The following DNAH5 variants were observed in gnomAD, a reference collection of about 807,000 sequenced individuals.
DNAH5 encodes the protein axonemal beta dynein heavy chain 5.
In DNAH5, 372 loss-of-function variants were observed where a neutral mutation model predicts 518.2. The ratio of observed to expected loss-of-function variants is 0.72; its 90% CI spans 0.66 to 0.78. The LOEUF is 0.78. Among genes scored for constraint, DNAH5 ranks in the 30% least tolerant of loss-of-function variants. The probability of loss-of-function intolerance (pLI) is 0.00; values close to 1 mark genes in which losing one functional copy is unlikely to be tolerated. For missense variants in DNAH5, 5,523 were observed against 5,687.0 expected, an observed-to-expected ratio of 0.97 and a Z score of 0.93; for synonymous variants, 2,039 against 2,025.9, an observed-to-expected ratio of 1.01 and a Z score of -0.17.
rs764927458 is a variant in DNAH5, at chr5:13,841,123, A to G, written c.5492T>C (p.Leu1831Ser). The G allele has an allele frequency of 9.9e-6, 16 of 1,613,222 alleles. No homozygotes were observed. In the South Asian group the frequency reaches 1.6e-4, roughly 17 times the overall value. ...TGTCCATATCATCTGAATTCCTAAT[A>G]ATCCAACCTTATGGAAATAAAAAAG... ...FLSSFPAQVG[L>S]LGIQMIWTRD... is the part of the protein sequence containing the mutation. Residue 1831 changes from leucine (L) to serine (S), a missense_variant, in exon 34 of 79, where the codon TTA becomes TCA. Physicochemically the swap from Leu to Ser is moderately radical, Grantham distance 145 (BLOSUM62 -2). This residue lies in a region of DNAH5 where 5,121 missense variants were observed against 5,223.3 expected (regional missense o/e 0.98). Coordinates refer to ENST00000265104, the MANE Select transcript of DNAH5 (RefSeq NM_001369.3).
chr5:13,970,543 T>C (rs1322578295), intron 1 of DNAH5, among the ~76,000 whole-genome samples: 1 of 152,230 alleles, frequency 6.6e-6, no homozygotes, highest in Non-Finnish European at 1.5e-5. Context: ...TTTTCATTTA[T>C]GAAACTTAGT....
At chr5:13,725,355 A>G (rs1043000955) in intron 70 of DNAH5, among the ~76,000 whole-genome samples, 3 of 152,232 alleles carry the variant, frequency 2.0e-5, no homozygotes, top group Admixed American at 1.3e-4. Context: ...TCTATGCAGA[A>G]GAAACATATG....
intron 58 of DNAH5, among the ~76,000 whole-genome samples, chr5:13,766,917 A>G (rs181975455): frequency 2.4e-4 from 36 of 152,316 alleles, no homozygotes; most frequent in Non-Finnish European, 4.3e-4. Flanking sequence ...TAAGACAAAT[A>G]GTATATATTC....
intron 3 of DNAH5, among the ~76,000 whole-genome samples, chr5:13,926,016 G>A (rs558129296): frequency 6.6e-6 from 1 of 152,146 alleles, no homozygotes; most frequent in Admixed American, 6.5e-5. Flanking sequence ...CAAAATGACT[G>A]GGATATGACA....
Position 13,890,860 on chromosome 5 carries a change from A to G in DNAH5, c.2577+116T>C, listed in dbSNP as rs1055033243. 1.4e-4 allele frequency: 154 copies of G among 1,135,440 alleles called. 1 individual carries two copies. Among genetic ancestry groups the G allele is most frequent in the Non-Finnish European group, 1.7e-5 (13 of 771,200 alleles). 70.3% of individuals were successfully genotyped at this position (1,135,440 alleles called of 1,614,324 possible). On this transcript the variant is annotated intron_variant, in intron 17 of 78. Coordinates refer to ENST00000265104, the MANE Select transcript of DNAH5 (RefSeq NM_001369.3). The stretch of plus-strand genomic sequence containing the variant: ...AAGATTCCATGTCTGAATCACTTCT[A>G]TCACAGAGCACTGCAAGTAGAGAAA...
intron 61 of DNAH5, among the ~76,000 whole-genome samples, chr5:13,756,731 G>A (rs896238286): frequency 6.6e-6 from 1 of 152,128 alleles, no homozygotes; most frequent in Non-Finnish European, 1.5e-5. Context: ...CAGTTCAGGG[G>A]TATGTGTACA....
chr5:13,918,125 C>T (rs1010004467), intron 7 of DNAH5, among the ~76,000 whole-genome samples: 45 of 152,292 alleles, frequency 3.0e-4, no homozygotes, highest in Middle Eastern at 3.4e-3. Flanking sequence ...GATGTCACTT[C>T]CAGAATTAAT....
At chr5:13,855,110 G>A (rs1171534436) in intron 30 of DNAH5, among the ~76,000 whole-genome samples, 1 of 151,602 alleles carries the variant, frequency 6.6e-6, no homozygotes, top group African/African-American at 2.4e-5. Context: ...CTATGATGCA[G>A]AATATTACTC....
At chr5:13,885,876 T>A (rs966527960) in intron 18 of DNAH5, 88 bp downstream of exon 18, 2 of 1,202,006 alleles carry the variant, frequency 1.7e-6, no homozygotes, top group East Asian at 2.3e-5. Flanking sequence ...TATAGAAGTA[T>A]GAAATTAATT....
At chr5:13,881,366 A>T (rs1337525445) in intron 21 of DNAH5, among the ~76,000 whole-genome samples, 1 of 152,046 alleles carries the variant, frequency 6.6e-6, no homozygotes, top group South Asian at 2.1e-4. Flanking sequence ...CACACAGAAC[A>T]TTCTCTCTAT....
At chr5:13,975,424 A>G (rs1782172628) in intron 1 of DNAH5, among the ~76,000 whole-genome samples, 1 of 152,212 alleles carries the variant, frequency 6.6e-6, no homozygotes, top group African/African-American at 2.4e-5. Flanking sequence ...TCTGGCACCA[A>G]CAAACAACAG....
At chr5:13,767,919 T>C (rs1752733430) in intron 58 of DNAH5, among the ~76,000 whole-genome samples, 1 of 152,162 alleles carries the variant, frequency 6.6e-6, no homozygotes, top group South Asian at 2.1e-4. Flanking sequence ...TGCACAAGAT[T>C]TGTTGTCTTA....
At chr5:13,951,208 G>GTTTTTTTT (rs869082404) in intron 1 of DNAH5, among the ~76,000 whole-genome samples, 6 of 66,594 alleles carry the variant, frequency 9.0e-5, no homozygotes, top group African/African-American at 2.0e-4. Context: ...TGTTTTTTTC[G>GTTTTTTTT]TTTTTTTTTT....
Position 13,832,361 on chromosome 5 carries a change from G to T in DNAH5, c.5883-1586C>A, listed in dbSNP as rs142061385. ...GGGCATGCCTGGAGACTTCTCCCTG[G>T]CTCAGCTAGGTGGGGCTTCAGACCC... On this transcript the variant is annotated intron_variant, in intron 35 of 78. Transcript: ENST00000265104. 2.0e-3 allele frequency among the ~76,000 whole-genome samples: 307 copies of T among 152,250 alleles called. 1 individual carries two copies. Among genetic ancestry groups the T allele is most frequent in the Middle Eastern group, 3.4e-3 (1 of 294 alleles).
chr5:13,778,596 A>AGAGAGAGAGAAAGAAAG (rs1554044722), intron 53 of DNAH5, among the ~76,000 whole-genome samples: 1 of 102,152 alleles, frequency 9.8e-6, no homozygotes, highest in African/African-American at 3.7e-5. Context: ...GAAAGAAAGA[A>AGAGAGAGAGAAAGAAAG]AGAGAGAGAG....
intron 55 of DNAH5, 27 bp downstream of exon 55, chr5:13,776,411 GC>G: frequency 6.2e-7 from 1 of 1,613,380 alleles, no homozygotes. Flanking sequence ...CACATGTTAT[GC>G]CCTGGCATAA....
intron 78 of DNAH5, among the ~76,000 whole-genome samples, chr5:13,694,118 A>C (rs1472142330): frequency 1.3e-5 from 2 of 152,200 alleles, no homozygotes; most frequent in African/African-American, 4.8e-5. Flanking sequence ...TTGGTGCCTT[A>C]CATCTGAATC....
In DNAH5 at chr5:13,830,071, T is replaced by C; in HGVS notation, c.6204A>G (p.Gly2068=). The change falls in exon 37 of 79, where the codon GGA becomes GGG. Residue 2068 remains glycine (G), a synonymous_variant. Transcript: ENST00000265104. ...EHKKSFIFTD[G]DNVTMNPEFG... is the part of the protein sequence containing the mutation. ...ATTCAGGGTTCATAGTCACATTATCTCCATCAGTAAAGATAAAAGACTTTT... is the reference window on the plus strand; with the variant it reads ...ATTCAGGGTTCATAGTCACATTATCCCCATCAGTAAAGATAAAAGACTTTT... 1 of 1,614,054 alleles carries C rather than the reference T, an allele frequency of 6.2e-7. No individual in the cohort carries two copies. The highest frequency in any genetic ancestry group is 2.2e-5 in the East Asian group (1 of 44,862).
At chr5:13,829,968 T>G in intron 37 of DNAH5, 58 bp downstream of exon 37, 1 of 1,470,902 alleles carries the variant, frequency 6.8e-7, no homozygotes, top group Admixed American at 1.7e-5. Flanking sequence ...ACCAGGGAGA[T>G]GCATGAAAAT....
Sources: allele counts gnomAD v4.1 joint callset (sites outside exome capture counted in the v4.1 genomes callset), GRCh38; gene constraint gnomAD v4.1.1; regional missense constraint gnomAD v4.1.1; transcripts MANE v1.5; gene names NCBI Gene and HGNC (gene_info 2026-07-23, HGNC 2026-07-21).